FAM227B: variants seen among roughly 807,000 people sequenced by gnomAD.
FAM227B encodes the protein family with sequence similarity 227 member B, also known as protein FAM227B.
Under a neutral mutation model 73.8 loss-of-function variants are expected in FAM227B, and 88 were observed. The observed-to-expected ratio is 1.19, with a 90% CI of 1.00 to 1.42. The LOEUF is 1.42. Among genes scored for constraint, FAM227B ranks in the 40% most tolerant of loss-of-function variants. The probability of loss-of-function intolerance (pLI) is 0.00; values close to 1 mark genes in which losing one functional copy is unlikely to be tolerated. For missense variants in FAM227B, 632 were observed against 590.9 expected (o/e 1.07, Z -0.72); for synonymous variants, 210 against 190.5 (o/e 1.10, Z -0.84).
intron 3 of FAM227B, among the ~76,000 whole-genome samples, chr15:49,604,380 A>C (rs2153315366): frequency 6.6e-6 from 1 of 150,744 alleles, no homozygotes; most frequent in East Asian, 1.9e-4. Context: ...TTATCATCCC[A>C]CTCTCTCCTG....
chr15:49,484,297 T>C (rs2056214825), intron 11 of FAM227B: 4 of 1,574,646 alleles, frequency 2.5e-6, no homozygotes, highest in Non-Finnish European at 3.4e-6. Flanking sequence ...TGTTTGTTTG[T>C]TTGTTTTAAC....
chr15:49,528,729 G>A (rs1415256731), intron 10 of FAM227B, among the ~76,000 whole-genome samples: 6 of 151,934 alleles, frequency 3.9e-5, no homozygotes, highest in Middle Eastern at 3.4e-3. Context: ...AAGAAAAAAT[G>A]CTCAACATCA....
chr15:49,405,372 T>C (rs2048444731), intron 11 of FAM227B, among the ~76,000 whole-genome samples: 1 of 152,194 alleles, frequency 6.6e-6, no homozygotes, highest in African/African-American at 2.4e-5. Flanking sequence ...ACTCACCCCA[T>C]CTCTTTTGGG....
At chr15:49,608,456 T>C (rs1248344660) in intron 3 of FAM227B, among the ~76,000 whole-genome samples, 1 of 152,056 alleles carries the variant, frequency 6.6e-6, no homozygotes, top group East Asian at 1.9e-4. Context: ...TCTTCACCCA[T>C]GTCCCAAAGC....
intron 6 of FAM227B, chr15:49,577,173 T>C: frequency 3.5e-6 from 1 of 283,276 alleles, no homozygotes; most frequent in South Asian, 3.4e-5. Context: ...GGCACGTGCC[T>C]GTAATCACAG....
At position 49,543,644 on chromosome 15, in the gene FAM227B, G is replaced by C. The variant is rs118025839; in HGVS notation, c.748-1838C>G. Among the ~76,000 whole-genome samples the C allele has an allele frequency of 9.1e-3, 1,386 of 152,156 alleles. 24 individuals are homozygous for C. The highest frequency in any genetic ancestry group is 0.015 in the Non-Finnish European group (1,026 of 67,958). On this transcript the variant is annotated intron_variant, in intron 9 of 15. Transcript: ENST00000299338. ...AGAATTTTTATGGTTTCAGGTCTTA[G>C]TTTAAGTCTTTGAGCCATCTTCAGT...
intron 9 of FAM227B, among the ~76,000 whole-genome samples, chr15:49,564,639 C>A (rs1027616732): frequency 1.3e-5 from 2 of 151,914 alleles, no homozygotes; most frequent in Non-Finnish European, 2.9e-5. Context: ...ACATATACAA[C>A]ATGGAATACT....
rs187493698 is a variant in FAM227B, at chr15:49,599,273, G to T, written c.106-9266C>A. On this transcript the variant is annotated intron_variant, in intron 3 of 15. Coordinates refer to ENST00000299338, the MANE Select transcript of FAM227B (RefSeq NM_152647.3). ...TACTATAATTATTTATATTTCTGTGGTATCAACTTCAATGTCTCCTCTTTC... is the reference window on the plus strand; with the variant it reads ...TACTATAATTATTTATATTTCTGTGTTATCAACTTCAATGTCTCCTCTTTC... 5.9e-3 allele frequency among the ~76,000 whole-genome samples: 889 copies of T among 151,954 alleles called. 4 individuals carry two copies. The highest frequency in any genetic ancestry group is 6.9e-3 in the Non-Finnish European group (469 of 67,892).
chr15:49,384,217 A>G (rs1403044681), intron 11 of FAM227B, among the ~76,000 whole-genome samples: 1 of 152,086 alleles, frequency 6.6e-6, no homozygotes, highest in Admixed American at 6.6e-5. Flanking sequence ...ACACAGTTCA[A>G]GCCGATTTGT....
intron 11 of FAM227B, among the ~76,000 whole-genome samples, chr15:49,506,609 G>GT (rs1391482423): frequency 6.0e-5 from 9 of 151,140 alleles, no homozygotes; most frequent in South Asian, 2.1e-4. Context: ...GACCACAGTA[G>GT]TTTTTTTTTA....
intron 11 of FAM227B, among the ~76,000 whole-genome samples, chr15:49,432,021 G>A (rs1000083641): frequency 5.3e-5 from 8 of 151,676 alleles, no homozygotes; most frequent in African/African-American, 1.2e-4. Flanking sequence ...ATTTTGTGCC[G>A]AAAACTGTAA....
At chr15:49,526,326 C>G (rs538596234) in intron 10 of FAM227B, among the ~76,000 whole-genome samples, 2 of 151,936 alleles carry the variant, frequency 1.3e-5, no homozygotes, top group Non-Finnish European at 2.9e-5. Flanking sequence ...GAAATTTGGG[C>G]AGCAATAAAA....
Position 49,508,305 on chromosome 15 carries a change from T to C in FAM227B, c.918A>G (p.Lys306=), listed in dbSNP as rs2058727133. Residue 306 remains lysine (K), a synonymous_variant, in exon 11 of 16, where the codon AAA becomes AAG. Coordinates refer to ENST00000299338, the MANE Select transcript of FAM227B (RefSeq NM_152647.3). ...CATGAATGGTGGTTGTGGAGAGTTCTTTCAGTTTCCAGTGGATCCAAAAGC... is the reference window on the plus strand; with the variant it reads ...CATGAATGGTGGTTGTGGAGAGTTCCTTCAGTTTCCAGTGGATCCAAAAGC... ...QKGFWIHWKL[K]ELSTTTIHGS... The C allele has an allele frequency of 3.1e-6, 5 of 1,610,342 alleles. No homozygotes were observed. Among genetic ancestry groups the C allele is most frequent in the Non-Finnish European group, 4.2e-6 (5 of 1,178,480 alleles).
intron 10 of FAM227B, among the ~76,000 whole-genome samples, chr15:49,519,446 G>A (rs1020962913): frequency 1.3e-5 from 2 of 152,174 alleles, no homozygotes; most frequent in Admixed American, 1.3e-4. Flanking sequence ...TTCCACCCCT[G>A]CAGCACACCT....
At chr15:49,387,565 G>A (rs1464348088) in intron 11 of FAM227B, among the ~76,000 whole-genome samples, 1 of 151,714 alleles carries the variant, frequency 6.6e-6, no homozygotes, top group Non-Finnish European at 1.5e-5. Flanking sequence ...CCTGAGAACA[G>A]AAACAAGACA....
chr15:49,418,764 C>A (rs540296466), intron 11 of FAM227B, among the ~76,000 whole-genome samples: 1 of 151,472 alleles, frequency 6.6e-6, no homozygotes, highest in African/African-American at 2.4e-5. Context: ...TGCACATGTA[C>A]CCCTGAACCT....
At chr15:49,617,878 G>A (rs1012828681) in intron 1 of FAM227B, among the ~76,000 whole-genome samples, 1 of 151,780 alleles carries the variant, frequency 6.6e-6, no homozygotes, top group South Asian at 2.1e-4. Context: ...AATATCAATG[G>A]CTTAATACAC....
intron 11 of FAM227B, among the ~76,000 whole-genome samples, chr15:49,489,811 ATATATATATTT>A (rs1305514434): frequency 3.3e-5 from 2 of 60,104 alleles, no homozygotes; most frequent in African/African-American, 1.6e-4. Flanking sequence ...TTTTATATAT[ATATATATATTT>A]TATATATATA....
In FAM227B at chr15:49,424,341, A is replaced by G. The variant is rs772911643; in HGVS notation, c.1013-52942T>C. Reference sequence around the variant, plus strand: ...ACATGGATCCTGCCAACTTTGCTCTACAGATCATGCTTTCACATTATCTGT... The same window carrying G: ...ACATGGATCCTGCCAACTTTGCTCTGCAGATCATGCTTTCACATTATCTGT... On this transcript the variant is annotated intron_variant, in intron 11 of 15. Coordinates refer to ENST00000299338, the MANE Select transcript of FAM227B (RefSeq NM_152647.3). 5.0e-6 allele frequency: 8 copies of G among 1,613,634 alleles called. No homozygotes were observed. The East Asian group carries it at 1.6e-4, about 31-fold the overall frequency.
Sources: allele counts gnomAD v4.1 joint callset (sites outside exome capture counted in the v4.1 genomes callset), GRCh38; gene constraint gnomAD v4.1.1; transcripts MANE v1.5; gene names NCBI Gene and HGNC (gene_info 2026-07-23, HGNC 2026-07-21).